Variants in ADAM9 observed in about 807,000 individuals in gnomAD.
ADAM9 encodes disintegrin and metalloproteinase domain-containing protein 9.
ADAM9 carries 54 observed loss-of-function variants against 108.1 expected under a neutral mutation model. The observed-to-expected ratio is 0.50, with a 90% CI of 0.40 to 0.63. ADAM9 has a LOEUF of 0.63. ADAM9 is among the 20% of genes least tolerant of loss of function. ADAM9 has a pLI of 0.00. For synonymous variants in ADAM9, 316 were observed against 336.0 expected (o/e 0.94, Z 0.65); for missense variants, 830 against 997.7 (o/e 0.83, Z 2.26).
In ADAM9 at chr8:39,105,194, G is replaced by C. The variant is rs1037733451; in HGVS notation, c.*1494G>C. The C allele has an allele frequency of 1.3e-4, 58 of 443,388 alleles. No homozygotes were observed. Among genetic ancestry groups the C allele is most frequent in the African/African-American group, 9.1e-4 (45 of 49,616 alleles). 27.5% of individuals were successfully genotyped at this position (443,388 alleles called of 1,614,324 possible). ...AGTTTTGAAGAAGGCAAAAATTTCA[G>C]TTTTCTGAAGACAGCATGTTATTTT... On this transcript the variant is annotated 3_prime_UTR_variant, in exon 22 of 22. Transcript: ENST00000487273.
chr8:39,021,840 G>A, intron 8 of ADAM9, 126 bp downstream of exon 8: 1 of 826,318 alleles, frequency 1.2e-6, no homozygotes, highest in Non-Finnish European at 2.1e-6. Flanking sequence ...TCTTTCAGAG[G>A]TCTGCTTTCT....
Position 39,055,777 on chromosome 8 carries a change from G to A in ADAM9, c.1591+5G>A. The A allele has an allele frequency of 1.2e-6, 2 of 1,611,396 alleles. No individual in the cohort carries two copies. Among genetic ancestry groups the A allele is most frequent in the Non-Finnish European group, 1.7e-6 (2 of 1,178,198 alleles). ...GTCAAGTCATCTTTGGCTCAAGTAA[G>A]ATATCATCATTTATAATTGATTGCT... On this transcript the variant is annotated splice_donor_5th_base_variant and intron_variant, in intron 14 of 21. Coordinates refer to ENST00000487273, the MANE Select transcript of ADAM9 (RefSeq NM_003816.3).
rs112383543 is a variant in ADAM9 at position 39,088,527 on chromosome 8, G to GAT, written c.2069-1519_2069-1518dup. On this transcript the variant is annotated intron_variant, in intron 18 of 21. Coordinates refer to ENST00000487273, the MANE Select transcript of ADAM9 (RefSeq NM_003816.3). ...CTGCCTCGGCCTCCCAAAGCGCTGG[G>GAT]ATTACAGGTGTGAGCCACTGCGCCC... Among the ~76,000 whole-genome samples, 1,221 of 152,258 alleles carry GAT rather than the reference G, an allele frequency of 8.0e-3. 24 individuals carry two copies. Among genetic ancestry groups the GAT allele is most frequent in the African/African-American group, 0.028 (1,159 of 41,552 alleles).
intron 9 of ADAM9, among the ~76,000 whole-genome samples, chr8:39,023,557 C>T (rs1438063165): frequency 6.6e-6 from 1 of 151,732 alleles, no homozygotes; most frequent in African/African-American, 2.4e-5. Flanking sequence ...GTATAGTGTG[C>T]TTTGTACTAG....
At chr8:39,020,669 A>G (rs1181021824) in intron 7 of ADAM9, among the ~76,000 whole-genome samples, 1 of 152,188 alleles carries the variant, frequency 6.6e-6, no homozygotes, top group Non-Finnish European at 1.5e-5. Flanking sequence ...TTAATCTCTC[A>G]TTTTTAATTC....
intron 1 of ADAM9, among the ~76,000 whole-genome samples, chr8:39,002,078 A>G (rs1041640129): frequency 4.0e-5 from 6 of 151,088 alleles, no homozygotes; most frequent in Non-Finnish European, 8.8e-5. Flanking sequence ...TTACTTTTGC[A>G]CCAACCTATT....
chr8:39,094,058 C>G (rs1839430277), intron 20 of ADAM9, among the ~76,000 whole-genome samples: 1 of 152,234 alleles, frequency 6.6e-6, no homozygotes, highest in African/African-American at 2.4e-5. Flanking sequence ...AGGCGTGAGC[C>G]ACCATGCCTG....
intron 20 of ADAM9, among the ~76,000 whole-genome samples, chr8:39,095,357 C>A (rs574057841): frequency 2.6e-4 from 39 of 152,270 alleles, no homozygotes; most frequent in South Asian, 1.0e-3. Flanking sequence ...TAAGTGTCAG[C>A]TATATTTTAA....
rs1839827801 is a variant in ADAM9 at position 39,105,195 on chromosome 8, T to G, written c.*1495T>G. ...GTTTTGAAGAAGGCAAAAATTTCAG[T>G]TTTCTGAAGACAGCATGTTATTTTA... On this transcript the variant is annotated 3_prime_UTR_variant, in exon 22 of 22. Transcript: ENST00000487273. 1 of 443,826 alleles carries G rather than the reference T, an allele frequency of 2.3e-6. No individual in the cohort carries two copies. The highest frequency in any genetic ancestry group is 4.5e-6 in the Non-Finnish European group (1 of 223,676). 27.5% of individuals were successfully genotyped at this position (443,826 alleles called of 1,614,324 possible).
chr8:39,088,774 T>G (rs1029005814), intron 18 of ADAM9, among the ~76,000 whole-genome samples: 1 of 152,088 alleles, frequency 6.6e-6, no homozygotes, highest in Non-Finnish European at 1.5e-5. Context: ...TAATAAACTT[T>G]TCCGTGGAGA....
intron 13 of ADAM9, 85 bp downstream of exon 13, chr8:39,054,658 T>C (rs1437762862): frequency 8.4e-7 from 1 of 1,196,988 alleles, no homozygotes; most frequent in African/African-American, 1.6e-5. Flanking sequence ...TTTTTTGAGA[T>C]TTCTGAGTCA....
intron 14 of ADAM9, among the ~76,000 whole-genome samples, chr8:39,070,898 C>G (rs1838663139): frequency 6.6e-6 from 1 of 152,156 alleles, no homozygotes; most frequent in African/African-American, 2.4e-5. Context: ...AAAGTATTAG[C>G]TGGCAGTGTT....
At chr8:39,064,044 T>A (rs1054522720) in intron 14 of ADAM9, among the ~76,000 whole-genome samples, 2 of 152,200 alleles carry the variant, frequency 1.3e-5, no homozygotes, top group South Asian at 4.1e-4. Flanking sequence ...CTTCTTTCCC[T>A]ACTTTGTCCA....
intron 6 of ADAM9, among the ~76,000 whole-genome samples, chr8:39,017,896 T>C (rs948040748): frequency 5.3e-5 from 8 of 152,242 alleles, no homozygotes; most frequent in Admixed American, 1.3e-4. Context: ...CCCAGTGCAA[T>C]AGAGTTTTTA....
intron 1 of ADAM9, among the ~76,000 whole-genome samples, chr8:39,000,141 C>T (rs145801361): frequency 1.3e-5 from 2 of 151,950 alleles, no homozygotes; most frequent in Non-Finnish European, 2.9e-5. Flanking sequence ...TCTCCTGCCT[C>T]AGCCTTATGC....
intron 14 of ADAM9, among the ~76,000 whole-genome samples, chr8:39,065,753 T>C (rs1459514044): frequency 6.6e-6 from 1 of 152,148 alleles, no homozygotes; most frequent in Non-Finnish European, 1.5e-5. Flanking sequence ...GATAATTTTT[T>C]TCTTTTTTTT....
intron 12 of ADAM9, among the ~76,000 whole-genome samples, chr8:39,047,334 TCTC>T (rs1837806301): frequency 6.6e-6 from 1 of 152,226 alleles, no homozygotes; most frequent in Non-Finnish European, 1.5e-5. Context: ...AGTGGAATTT[TCTC>T]CTCCTCCTCT....
chr8:39,041,569 C>T (rs145909114), intron 11 of ADAM9, among the ~76,000 whole-genome samples: 21 of 152,236 alleles, frequency 1.4e-4, no homozygotes, highest in Middle Eastern at 3.4e-3. Flanking sequence ...TTGGAGACAA[C>T]GTACAGCTAC....
chr8:39,031,936 T>C (rs1253888325), intron 11 of ADAM9, among the ~76,000 whole-genome samples: 1 of 152,228 alleles, frequency 6.6e-6, no homozygotes, highest in Non-Finnish European at 1.5e-5. Context: ...TGGAGTTTGC[T>C]GGAGGTCCAC....
Sources: gnomAD v4.1 joint callset for allele counts (sites outside exome capture counted in the v4.1 genomes callset) on GRCh38, gnomAD v4.1.1 for gene constraint, MANE v1.5 for transcripts, NCBI Gene and HGNC (gene_info 2026-07-23, HGNC 2026-07-21) for gene names.